Variants in LRMDA observed in about 807,000 individuals in gnomAD.
LRMDA encodes leucine-rich melanocyte differentiation-associated protein.
A neutral mutation model predicts 29.8 loss-of-function variants in LRMDA; 18 were observed. The ratio of observed to expected loss-of-function variants is 0.60; its 90% CI spans 0.42 to 0.90. The LOEUF is 0.90. LRMDA is among the 40% of genes least tolerant of loss of function. LRMDA has a pLI of 0.00. For synonymous variants in LRMDA, 125 were observed against 109.4 expected (o/e 1.14, Z -0.89); for missense variants, 273 against 273.9 (o/e 1.00, Z 0.02).
At chr10:76,536,849 C>T (rs1023418569) in intron 6 of LRMDA, among the ~76,000 whole-genome samples, 13 of 152,072 alleles carry the variant, frequency 8.5e-5, no homozygotes, top group African/African-American at 3.1e-4. Flanking sequence ...TATTTTCTTC[C>T]CCAATAAACT....
chr10:76,513,953 A>G (rs1269613057), intron 6 of LRMDA, among the ~76,000 whole-genome samples: 1 of 152,138 alleles, frequency 6.6e-6, no homozygotes, highest in Non-Finnish European at 1.5e-5. Flanking sequence ...TTCTGTCATT[A>G]TTGAATAGGA....
intron 2 of LRMDA, among the ~76,000 whole-genome samples, chr10:75,737,311 C>T (rs1185826408): frequency 6.6e-6 from 1 of 152,228 alleles, no homozygotes; most frequent in Admixed American, 6.5e-5. Flanking sequence ...CAGATGTGCT[C>T]AGCAATGAGA....
chr10:76,447,561 A>G (rs1265987034), intron 6 of LRMDA, among the ~76,000 whole-genome samples: 2 of 152,138 alleles, frequency 1.3e-5, no homozygotes, highest in Non-Finnish European at 2.9e-5. Flanking sequence ...AACAACTTCT[A>G]TGTTAGTGGA....
intron 2 of LRMDA, among the ~76,000 whole-genome samples, chr10:75,939,231 A>G (rs1313375429): frequency 3.3e-5 from 5 of 152,166 alleles, no homozygotes; most frequent in Admixed American, 3.3e-4. Flanking sequence ...TGCTGCCTTC[A>G]ACACAGAGGG....
chr10:76,372,118 C>T (rs1248051961), intron 6 of LRMDA, among the ~76,000 whole-genome samples: 5 of 152,156 alleles, frequency 3.3e-5, no homozygotes, highest in African/African-American at 4.8e-5. Flanking sequence ...TAGCCATAGT[C>T]TTTCTTTCAC....
At chr10:75,923,399 A>G (rs1362062441) in intron 2 of LRMDA, among the ~76,000 whole-genome samples, 2 of 152,222 alleles carry the variant, frequency 1.3e-5, no homozygotes, top group African/African-American at 4.8e-5. Context: ...CCTCAAAATC[A>G]GAGACTAGAT....
At chr10:76,417,581 T>G (rs930758338) in intron 6 of LRMDA, among the ~76,000 whole-genome samples, 2 of 152,212 alleles carry the variant, frequency 1.3e-5, no homozygotes, top group African/African-American at 4.8e-5. Context: ...AGACATCATA[T>G]TCTATGGATT....
At chr10:75,984,502 G>A (rs913753916) in intron 2 of LRMDA, among the ~76,000 whole-genome samples, 2 of 152,240 alleles carry the variant, frequency 1.3e-5, no homozygotes, top group Admixed American at 1.3e-4. Flanking sequence ...CCAAGGGAAC[G>A]TGTCCCACTC....
At chr10:76,164,577 A>T (rs781434884) in intron 5 of LRMDA, among the ~76,000 whole-genome samples, 9 of 152,224 alleles carry the variant, frequency 5.9e-5, no homozygotes, top group Non-Finnish European at 1.3e-4. Flanking sequence ...GGTGAAGGCC[A>T]TGTGTGGTCT....
At chr10:75,872,528 A>T (rs1589236163) in intron 2 of LRMDA, among the ~76,000 whole-genome samples, 1 of 149,968 alleles carries the variant, frequency 6.7e-6, no homozygotes, top group Admixed American at 6.7e-5. Flanking sequence ...GTGGTCTCAA[A>T]CTCCTGACCT....
chr10:75,543,044 A>C (rs2132049957), intron 2 of LRMDA, among the ~76,000 whole-genome samples: 1 of 152,304 alleles, frequency 6.6e-6, no homozygotes, highest in Non-Finnish European at 1.5e-5. Flanking sequence ...GAAATTGACA[A>C]GTCCAAGCGC....
intron 6 of LRMDA, among the ~76,000 whole-genome samples, chr10:76,381,172 A>G (rs1841587707): frequency 6.6e-6 from 1 of 151,962 alleles, no homozygotes; most frequent in African/African-American, 2.4e-5. Context: ...GTAACCTCTC[A>G]CATTGGACAC....
At chr10:75,640,112 A>G (rs1228312560) in intron 2 of LRMDA, among the ~76,000 whole-genome samples, 1 of 152,200 alleles carries the variant, frequency 6.6e-6, no homozygotes, top group Non-Finnish European at 1.5e-5. Context: ...AATCTTAGGT[A>G]TGGTATGTAG....
At chr10:75,443,313 G>A (rs1844351802) in intron 2 of LRMDA, among the ~76,000 whole-genome samples, 1 of 152,110 alleles carries the variant, frequency 6.6e-6, no homozygotes, top group Admixed American at 6.6e-5. Flanking sequence ...TGTTTCTGTT[G>A]AGTGTGATGT....
At chr10:76,125,322 T>A (rs751491180) in intron 5 of LRMDA, among the ~76,000 whole-genome samples, 24 of 152,158 alleles carry the variant, frequency 1.6e-4, no homozygotes, top group Non-Finnish European at 2.9e-4. Context: ...TGGAGAAGAT[T>A]TGGAGAATTT....
chr10:75,683,086 G>T (rs1201925373), intron 2 of LRMDA, among the ~76,000 whole-genome samples: 1 of 152,088 alleles, frequency 6.6e-6, no homozygotes, highest in Non-Finnish European at 1.5e-5. Context: ...CTGGAGTGCT[G>T]GGCTGAGCTT....
intron 2 of LRMDA, among the ~76,000 whole-genome samples, chr10:75,759,084 G>C (rs144665584): frequency 1.5e-4 from 23 of 152,138 alleles, no homozygotes; most frequent in African/African-American, 4.8e-4. Context: ...CTTTCTCTCT[G>C]AGTATTTGTG....
chr10:75,718,129 T>C (rs1842523909), intron 2 of LRMDA, among the ~76,000 whole-genome samples: 1 of 152,236 alleles, frequency 6.6e-6, no homozygotes, highest in South Asian at 2.1e-4. Flanking sequence ...CACCATTTAC[T>C]ATCTATCAAT....
At chr10:75,767,274 T>C (rs1330721232) in intron 2 of LRMDA, among the ~76,000 whole-genome samples, 2 of 152,202 alleles carry the variant, frequency 1.3e-5, no homozygotes, top group Non-Finnish European at 2.9e-5. Context: ...TGTAAAAGCA[T>C]TCCTATTTCT....
Sources: allele counts gnomAD v4.1 joint callset (sites outside exome capture counted in the v4.1 genomes callset), GRCh38; gene constraint gnomAD v4.1.1; transcripts MANE v1.5; gene names NCBI Gene and HGNC (gene_info 2026-07-23, HGNC 2026-07-21).